Variants in MADD observed in about 807,000 individuals in gnomAD.
MADD encodes the protein MAP kinase-activating death domain protein.
Under a neutral mutation model 176.7 loss-of-function variants are expected in MADD, and 109 were observed. The ratio of observed to expected loss-of-function variants is 0.62; its 90% CI spans 0.53 to 0.72. The LOEUF (loss-of-function observed/expected upper bound fraction) is 0.72, where lower values mean the gene tolerates loss of function less well. Ranked by LOEUF, MADD falls within the 30% of genes least tolerant of loss-of-function variation. The pLI is 0.00. For synonymous variants in MADD, 771 were observed against 771.3 expected (o/e 1.00, Z 0.01); for missense variants, 1,914 against 2,045.5 (o/e 0.94, Z 1.24).
At chr11:47,309,257 C>G in intron 23 of MADD, 24 bp from the exon 27 acceptor site, 1 of 1,604,960 alleles carries the variant, frequency 6.2e-7, no homozygotes, top group Non-Finnish European at 8.5e-7. Context: ...AATAGGCCCC[C>G]TAAGAAACCT....
At chr11:47,303,171 T>A (rs1254867442) in intron 22 of MADD, among the ~76,000 whole-genome samples, 1 of 152,098 alleles carries the variant, frequency 6.6e-6, no homozygotes, top group Non-Finnish European at 1.5e-5. Context: ...GCTTGTAAAG[T>A]TTCTGCAGAG....
At chr11:47,308,557 C>G in intron 22 of MADD, 34 bp from the exon 25 acceptor site, 1 of 1,540,330 alleles carries the variant, frequency 6.5e-7, no homozygotes, top group Non-Finnish European at 9.0e-7. Flanking sequence ...TCATTGCTAC[C>G]TCTGGCCACT....
exon 22 of MADD, chr11:47,296,046 C>G (rs761514547): frequency 3.1e-6 from 5 of 1,613,180 alleles, no homozygotes; most frequent in Non-Finnish European, 4.2e-6. Flanking sequence ...CTGCCACAAG[C>G]ACCATCTTTG....
intron 27 of MADD, among the ~76,000 whole-genome samples, chr11:47,318,271 T>C (rs1435234261): frequency 6.6e-6 from 1 of 152,226 alleles, no homozygotes; most frequent in African/African-American, 2.4e-5. Context: ...AAATTTTGCC[T>C]ATGTTATCTG....
intron 27 of MADD, among the ~76,000 whole-genome samples, chr11:47,323,148 G>A (rs1325773537): frequency 1.3e-5 from 2 of 150,798 alleles, no homozygotes; most frequent in African/African-American, 4.9e-5. Context: ...TGAGGCAGGA[G>A]AATCATTTTA....
exon 3 of MADD, chr11:47,274,772 A>G (rs2048237997): frequency 1.2e-6 from 2 of 1,614,074 alleles, no homozygotes; most frequent in Non-Finnish European, 1.7e-6. Flanking sequence ...GTCACGCGAT[A>G]TGGCATCTGT....
intron 7 of MADD, among the ~76,000 whole-genome samples, chr11:47,280,401 T>C (rs1183197231): frequency 6.6e-6 from 1 of 152,178 alleles, no homozygotes; most frequent in East Asian, 1.9e-4. Flanking sequence ...ACTGCTAATA[T>C]AATATGATAC....
chr11:47,282,147 A>T (rs1212443149), intron 8 of MADD, among the ~76,000 whole-genome samples: 1 of 152,032 alleles, frequency 6.6e-6, no homozygotes, highest in African/African-American at 2.4e-5. Context: ...GGGTTTCTTT[A>T]TGTATAAAAT....
At chr11:47,329,311 G>C in exon 33 of MADD, 5 of 634,830 alleles carry the variant, frequency 7.9e-6, no homozygotes, top group Non-Finnish European at 1.4e-5. Flanking sequence ...GTGTCCCTCT[G>C]AGTGTGTCTT....
intron 27 of MADD, among the ~76,000 whole-genome samples, chr11:47,319,990 C>CAAAAAAA (rs11302029): frequency 2.9e-5 from 2 of 67,880 alleles, no homozygotes; most frequent in Non-Finnish European, 5.3e-5. Flanking sequence ...GACTCCATCG[C>CAAAAAAA]AAAAAAAAAA....
intron 8 of MADD, 50 bp downstream of exon 8, chr11:47,281,803 G>T: frequency 6.9e-7 from 1 of 1,447,218 alleles, no homozygotes; most frequent in Non-Finnish European, 9.3e-7. Flanking sequence ...TAATTTCTTT[G>T]CTCTCTAAGG....
intron 31 of MADD, 102 bp from the exon 36 acceptor site, chr11:47,328,556 G>C (rs772193703): frequency 7.0e-5 from 110 of 1,569,012 alleles, no homozygotes; most frequent in Non-Finnish European, 9.2e-5. Context: ...GGCCACAGAG[G>C]GGAAGGGGAC....
At chr11:47,321,638 A>G (rs75673872) in intron 27 of MADD, among the ~76,000 whole-genome samples, 5,109 of 152,262 alleles carry the variant, frequency 0.034, 121 homozygotes, top group South Asian at 0.12. Flanking sequence ...GCTGTGGACA[A>G]CTCCTTTGAG....
exon 18 of MADD, chr11:47,290,154 C>T: frequency 1.2e-6 from 2 of 1,613,894 alleles, no homozygotes; most frequent in Non-Finnish European, 1.7e-6. Context: ...TGCAGGAGAT[C>T]AGTCGGAAGG....
exon 12 of MADD, chr11:47,284,444 A>G (rs369624818): frequency 3.7e-6 from 6 of 1,614,050 alleles, no homozygotes; most frequent in Non-Finnish European, 5.1e-6. Context: ...CTGCAGAATC[A>G]GAAGGAAGCA....
chr11:47,315,415 T>C (rs1286263057), intron 27 of MADD, 88 bp downstream of exon 30: 1 of 714,350 alleles, frequency 1.4e-6, no homozygotes, highest in Admixed American at 2.5e-5. Flanking sequence ...TTTTCTCATT[T>C]ATCTCATTCA....
intron 26 of MADD, among the ~76,000 whole-genome samples, chr11:47,313,514 G>A (rs2091221125): frequency 1.3e-5 from 2 of 151,452 alleles, no homozygotes; most frequent in Admixed American, 6.6e-5. Context: ...AATAGAGACG[G>A]GGTTTCACCA....
intron 12 of MADD, 79 bp from the exon 13 acceptor site, chr11:47,284,862 T>TCCAGCCCTGCC: frequency 6.4e-7 from 1 of 1,567,912 alleles, no homozygotes; most frequent in Non-Finnish European, 8.7e-7. Context: ...ACAGGCCTGG[T>TCCAGCCCTGCC]CCAGCCCTGC....
chr11:47,312,586 C>T (rs2090347660), intron 26 of MADD, among the ~76,000 whole-genome samples: 1 of 152,182 alleles, frequency 6.6e-6, no homozygotes, highest in South Asian at 2.1e-4. Context: ...CAGGCATGCA[C>T]CACCACGCCC....
Sources: gnomAD v4.1 joint callset for allele counts (sites outside exome capture counted in the v4.1 genomes callset) on GRCh38, gnomAD v4.1.1 for gene constraint, MANE v1.5 for transcripts, NCBI Gene and HGNC (gene_info 2026-07-23, HGNC 2026-07-21) for gene names.